Variants in GOLGA1 observed in about 807,000 individuals in gnomAD.
GOLGA1 encodes golgin subfamily A member 1.
Under a neutral mutation model 119.7 loss-of-function variants are expected in GOLGA1, and 63 were observed. The ratio of observed to expected loss-of-function variants is 0.53; its 90% CI spans 0.43 to 0.65. The LOEUF is 0.65. GOLGA1 is among the 30% of genes least tolerant of loss of function. GOLGA1 has a pLI of 0.00. For synonymous variants in GOLGA1, 318 were observed against 333.4 expected (o/e 0.95, Z 0.50); for missense variants, 798 against 912.8 (o/e 0.87, Z 1.62).
intron 12 of GOLGA1, among the ~76,000 whole-genome samples, chr9:124,908,033 T>C (rs1189229220): frequency 6.6e-6 from 1 of 152,012 alleles, no homozygotes; most frequent in African/African-American, 2.4e-5. Context: ...CTAAAAGTAA[T>C]AGAGAAAACA....
At chr9:124,943,528 ACT>A (rs1349623423), upstream of GOLGA1, 13 of 152,186 alleles carry the variant, frequency 8.5e-5, no homozygotes, top group East Asian at 1.9e-4. Context: ...AGCTAATATA[ACT>A]CTATAATCCC....
chr9:124,919,001 C>G (rs1830508418), intron 10 of GOLGA1, among the ~76,000 whole-genome samples: 1 of 152,100 alleles, frequency 6.6e-6, no homozygotes, highest in Non-Finnish European at 1.5e-5. Flanking sequence ...GTAATCCCAG[C>G]ACTTTGGGAG....
At chr9:124,907,176 G>A (rs1830251015) in intron 12 of GOLGA1, among the ~76,000 whole-genome samples, 1 of 152,150 alleles carries the variant, frequency 6.6e-6, no homozygotes, top group Non-Finnish European at 1.5e-5. Flanking sequence ...AATGGACAGA[G>A]AATGCAGAGA....
chr9:124,928,137 C>A, intron 6 of GOLGA1, 51 bp downstream of exon 6: 1 of 753,404 alleles, frequency 1.3e-6, no homozygotes, highest in South Asian at 1.7e-5. Flanking sequence ...GAAATCACGT[C>A]ACTAAGTGAA....
At chr9:124,931,496 G>C in intron 3 of GOLGA1, 90 bp from the exon 4 acceptor site, 1 of 732,048 alleles carries the variant, frequency 1.4e-6, no homozygotes, top group South Asian at 1.5e-5. Flanking sequence ...TTTTAGGTTT[G>C]GTTACACTTT....
At chr9:124,884,247 G>GGTGATA (rs149228019) in intron 19 of GOLGA1, among the ~76,000 whole-genome samples, 1 of 101,056 alleles carries the variant, frequency 9.9e-6, no homozygotes, top group Non-Finnish European at 2.5e-5. Flanking sequence ...CCTGGCCTCA[G>GGTGATA]GTGATCTGCC....
At chr9:124,934,443 T>A (rs1443755806) in intron 3 of GOLGA1, among the ~76,000 whole-genome samples, 1 of 151,816 alleles carries the variant, frequency 6.6e-6, no homozygotes, top group Non-Finnish European at 1.5e-5. Flanking sequence ...TGCACAAGAG[T>A]CTGTCAGAGG....
chr9:124,946,398 A>T lies in GOLGA1; in HGVS notation c.-156+1520T>A, dbSNP rs1350641136. On this transcript the variant is annotated intron_variant, in intron 1 of 4. Transcript: ENST00000421514. This position sits in a 1 kb window ranked among gnomAD's most constrained non-coding sequence, Gnocchi z 4.0. Reference sequence around the variant, plus strand: ...AAATGTAACATTTTTTTGGGTGGTAAAACAGACTCCTGAGATAATTTCTCT... The same window carrying T: ...AAATGTAACATTTTTTTGGGTGGTATAACAGACTCCTGAGATAATTTCTCT... 1 of 152,170 alleles carries T rather than the reference A, an allele frequency of 6.6e-6. No homozygotes were observed. The highest frequency in any genetic ancestry group is 1.5e-5 in the Non-Finnish European group (1 of 68,024). The allele number at this position is 152,170 out of a possible 1,614,324, so 9.4% of individuals were successfully genotyped here. A position where few individuals can be genotyped will look rare whatever the true frequency, so the allele number is the denominator to read the frequency against.
intron 9 of GOLGA1, 76 bp downstream of exon 9, chr9:124,921,647 T>C (rs1290165747): frequency 8.9e-7 from 1 of 1,129,896 alleles, no homozygotes; most frequent in African/African-American, 1.6e-5. Context: ...TAATGAACAA[T>C]GGGGAAAGGT....
At chr9:124,912,259 T>C (rs1287817166) in intron 10 of GOLGA1, among the ~76,000 whole-genome samples, 1 of 152,086 alleles carries the variant, frequency 6.6e-6, no homozygotes, top group Non-Finnish European at 1.5e-5. Context: ...CTCTTCCCAA[T>C]TAAACAACTG....
intron 10 of GOLGA1, among the ~76,000 whole-genome samples, chr9:124,915,417 T>C (rs529907626): frequency 3.9e-5 from 6 of 152,352 alleles, no homozygotes; most frequent in African/African-American, 1.2e-4. Flanking sequence ...TGAAATTTCA[T>C]GTTCACTATT....
intron 20 of GOLGA1, 27 bp downstream of exon 20, chr9:124,882,482 TG>T: frequency 6.3e-7 from 1 of 1,576,454 alleles, no homozygotes; most frequent in Non-Finnish European, 8.7e-7. Flanking sequence ...TGCTGGGAAG[TG>T]GGGCCAGCTC....
At position 124,881,272 on chromosome 9, in the gene GOLGA1, G is replaced by C; in HGVS notation, c.2137-15C>G. 1 of 1,530,470 alleles carries C rather than the reference G, an allele frequency of 6.5e-7. No individual in the cohort carries two copies. Among genetic ancestry groups the C allele is most frequent in the Non-Finnish European group, 9.1e-7 (1 of 1,103,362 alleles). The allele number at this position is 1,530,470 out of a possible 1,614,324, so 94.8% of individuals were successfully genotyped here. A position where few individuals can be genotyped will look rare whatever the true frequency, so the allele number is the denominator to read the frequency against. On this transcript the variant is annotated splice_polypyrimidine_tract_variant and intron_variant, in intron 21 of 22. Transcript: ENST00000373555. This position sits in a 1 kb window ranked among gnomAD's most constrained non-coding sequence, Gnocchi z 4.9. ...AGATGAAAAGCCTGAAACACAGTAA[G>C]TTTTGCTGCCATAGGCCTTGGTGAA...
At chr9:124,938,485 C>A in intron 3 of GOLGA1, 92 bp downstream of exon 3, 1 of 1,068,504 alleles carries the variant, frequency 9.4e-7, no homozygotes, top group Admixed American at 2.0e-5. Flanking sequence ...AGCTATAAAC[C>A]ATGAAAGGTA....
intron 13 of GOLGA1, 88 bp downstream of exon 13, chr9:124,900,364 G>A (rs770304092): frequency 3.3e-5 from 24 of 737,200 alleles, no homozygotes; most frequent in African/African-American, 1.2e-4. Flanking sequence ...TACCGTTGCC[G>A]AAGTTCGGAA....
At chr9:124,910,038 T>TC (rs761349170) in intron 11 of GOLGA1, among the ~76,000 whole-genome samples, 6 of 152,092 alleles carry the variant, frequency 3.9e-5, no homozygotes, top group Non-Finnish European at 8.8e-5. Flanking sequence ...CAAGCAATTC[T>TC]CCTCCCTCAG....
intron 11 of GOLGA1, among the ~76,000 whole-genome samples, chr9:124,911,169 CAG>C (rs755965582): frequency 2.0e-5 from 3 of 152,140 alleles, no homozygotes; most frequent in Admixed American, 1.3e-4. Flanking sequence ...GAGACTGTGT[CAG>C]AGAGTGAAGG....
At chr9:124,933,261 G>C (rs1055192728) in intron 3 of GOLGA1, among the ~76,000 whole-genome samples, 2 of 152,122 alleles carry the variant, frequency 1.3e-5, no homozygotes, top group Admixed American at 6.5e-5. Context: ...CCTTAGAAAG[G>C]CCTGCTTTTA....
intron 11 of GOLGA1, among the ~76,000 whole-genome samples, chr9:124,909,389 C>T (rs1193312988): frequency 6.7e-6 from 1 of 150,020 alleles, no homozygotes; most frequent in Admixed American, 6.7e-5. Flanking sequence ...GGACAGATCA[C>T]GAGGTCAGAA....
Sources: gnomAD v4.1 joint callset for allele counts (sites outside exome capture counted in the v4.1 genomes callset) on GRCh38, gnomAD v4.1.1 for gene constraint, Gnocchi (gnomAD v3.1) non-coding constraint, MANE v1.5 for transcripts, NCBI Gene and HGNC (gene_info 2026-07-23, HGNC 2026-07-21) for gene names.